NFKB1: variants seen among roughly 807,000 people sequenced by gnomAD.
The protein encoded by NFKB1 is nuclear factor kappa B subunit 1.
In NFKB1, 9 loss-of-function variants were observed where a neutral mutation model predicts 105.1. The ratio of observed to expected loss-of-function variants is 0.09; its 90% CI spans 0.05 to 0.15. The LOEUF is 0.15. Among genes scored for constraint, NFKB1 ranks in the 10% least tolerant of loss-of-function variants. The pLI is 1.00. For missense variants in NFKB1, 830 were observed against 1,203.7 expected (o/e 0.69, Z 4.59); for synonymous variants, 440 against 442.2 (o/e 1.00, Z 0.06).
At chr4:102,611,857 C>A (rs1024998032) in intron 20 of NFKB1, among the ~76,000 whole-genome samples, 187 bp from the exon 21 acceptor site, 1 of 152,244 alleles carries the variant, frequency 6.6e-6, no homozygotes, top group African/African-American at 2.4e-5. Context: ...AGAGCCCCTA[C>A]AGCTGTTCTT....
At chr4:102,574,148 G>A (rs555262559) in intron 6 of NFKB1, among the ~76,000 whole-genome samples, 2 of 52,274 alleles carry the variant, frequency 3.8e-5, no homozygotes, top group Non-Finnish European at 7.4e-5. Flanking sequence ...TTTTTTTGAT[G>A]TGCTTTTAAA....
At chr4:102,595,616 G>A (rs1176113966) in intron 13 of NFKB1, among the ~76,000 whole-genome samples, 2 of 152,248 alleles carry the variant, frequency 1.3e-5, no homozygotes, top group African/African-American at 4.8e-5. Flanking sequence ...AAGGCACACA[G>A]AAGTTAGTGG....
intron 5 of NFKB1, among the ~76,000 whole-genome samples, chr4:102,558,358 T>C (rs1451454928): frequency 6.6e-6 from 1 of 152,148 alleles, no homozygotes; most frequent in Non-Finnish European, 1.5e-5. Context: ...GCTCCATCCA[T>C]GTCCCTGCAA....
chr4:102,502,236 G>A (rs899773514), intron 1 of NFKB1: 1 of 152,362 alleles, frequency 6.6e-6, no homozygotes, highest in Non-Finnish European at 1.5e-5. Context: ...AAGCAGAAGT[G>A]CTTGTCAGTC....
intron 5 of NFKB1, among the ~76,000 whole-genome samples, chr4:102,545,795 A>T (rs1189504130): frequency 6.6e-6 from 1 of 152,158 alleles, no homozygotes; most frequent in Non-Finnish European, 1.5e-5. Context: ...ATTCTATGAC[A>T]GTTTCTAAGA....
chr4:102,592,259 G>A (rs754489825), intron 11 of NFKB1, among the ~76,000 whole-genome samples: 3 of 152,236 alleles, frequency 2.0e-5, no homozygotes, highest in South Asian at 2.1e-4. Flanking sequence ...TAAAGCAGCA[G>A]CAGTGTTTGA....
At chr4:102,589,752 G>A (rs1488615383) in intron 11 of NFKB1, among the ~76,000 whole-genome samples, 1 of 150,254 alleles carries the variant, frequency 6.7e-6, no homozygotes, top group African/African-American at 2.5e-5. Flanking sequence ...TCAAAAAAAA[G>A]AATACCTCAT....
chr4:102,581,686 A>G (rs1446136841), intron 9 of NFKB1, among the ~76,000 whole-genome samples: 3 of 152,146 alleles, frequency 2.0e-5, no homozygotes, highest in Non-Finnish European at 4.4e-5. Context: ...CTCTGCCTAC[A>G]CTAGTGTCAG....
At chr4:102,501,886 C>T (rs1195510589) in intron 1 of NFKB1, 98 bp downstream of exon 1, 3 of 152,678 alleles carry the variant, frequency 2.0e-5, no homozygotes, top group Non-Finnish European at 4.4e-5. Flanking sequence ...ACTCGGACTT[C>T]CTCATTCCTG....
intron 5 of NFKB1, among the ~76,000 whole-genome samples, chr4:102,553,954 G>T (rs964967931): frequency 6.6e-6 from 1 of 152,144 alleles, no homozygotes; most frequent in Non-Finnish European, 1.5e-5. Context: ...TATTTAAAAT[G>T]TTCACAATTT....
At chr4:102,508,895 A>G (rs1277056287) in intron 1 of NFKB1, among the ~76,000 whole-genome samples, 2 of 152,226 alleles carry the variant, frequency 1.3e-5, no homozygotes, top group East Asian at 1.9e-4. Context: ...AGGACAAATC[A>G]TATATCTCAT....
chr4:102,579,305 CTTAT>C, intron 8 of NFKB1, among the ~76,000 whole-genome samples: 1 of 152,166 alleles, frequency 6.6e-6, no homozygotes, highest in Admixed American at 6.5e-5. Flanking sequence ...CACATCTCAT[CTTAT>C]TTATGAATGT....
In NFKB1 at chr4:102,612,546, A is replaced by C. The variant is rs1417524842; in HGVS notation, c.2532A>C (p.Ile844=). 2 of 1,614,072 alleles carry C rather than the reference A, an allele frequency of 1.2e-6. No individual in the cohort carries two copies. Among genetic ancestry groups the C allele is most frequent in the South Asian group, 2.2e-5 (2 of 91,072 alleles). The part of the protein sequence containing the change: ...ATLAQKLGLG[I]LNNAFRLSPA... ...TGGCGCAGAAATTAGGTCTGGGGAT[A>C]CTTAATAATGCCTTCCGGCTGAGTC... Residue 844 remains isoleucine (I), a synonymous_variant, in exon 22 of 24, where the codon ATA becomes ATC. Transcript: ENST00000226574.
chr4:102,519,408 C>T (rs1341508785), intron 1 of NFKB1, among the ~76,000 whole-genome samples: 1 of 147,380 alleles, frequency 6.8e-6, no homozygotes, highest in East Asian at 2.0e-4. Context: ...AGTATATATA[C>T]TTTTATCATA....
intron 23 of NFKB1, among the ~76,000 whole-genome samples, chr4:102,614,484 A>G (rs905167717): frequency 1.3e-5 from 2 of 152,182 alleles, no homozygotes; most frequent in Non-Finnish European, 2.9e-5. Flanking sequence ...ATTTAGCTAC[A>G]GTCCAATTGC....
intron 17 of NFKB1, 23 bp from the exon 18 acceptor site, chr4:102,607,106 GTTAGCCATCCCATCCTGTGAC>G (rs1727827140): frequency 6.2e-7 from 1 of 1,605,630 alleles, no homozygotes; most frequent in African/African-American, 1.3e-5. Flanking sequence ...CATCTTGTGA[GTTAGCCATCCCATCCTGTGAC>G]TGTCCCTTTG....
At chr4:102,584,167 A>G (rs906603567) in intron 10 of NFKB1, among the ~76,000 whole-genome samples, 2 of 152,082 alleles carry the variant, frequency 1.3e-5, no homozygotes, top group African/African-American at 4.8e-5. Flanking sequence ...AATATATTAC[A>G]TAGTCAAAAA....
rs370790173 is a variant in NFKB1 at position 102,551,367 on chromosome 4, T to TGTGCGC, written c.258+13412_258+13413insTGCGCG. Among the ~76,000 whole-genome samples, 172 of 150,194 alleles carry TGTGCGC rather than the reference T, an allele frequency of 1.1e-3. 1 individual carries two copies. The highest frequency in any genetic ancestry group is 2.7e-3 in the African/African-American group (112 of 40,954). ...AAATTGGTGTGTGTGTGTGTGTGTG[T>TGTGCGC]GCGCGCGCGCATGTGTGTGTGTGTG... On this transcript the variant is annotated intron_variant, in intron 5 of 23. Coordinates refer to ENST00000226574, the MANE Select transcript of NFKB1 (RefSeq NM_003998.4).
chr4:102,577,841 T>C (rs747770765), intron 7 of NFKB1: 103 of 985,642 alleles, frequency 1.0e-4, no homozygotes, highest in Non-Finnish European at 1.2e-4. Flanking sequence ...GTTCCACTTA[T>C]AGTAGTCTTC....
Sources: gnomAD v4.1 joint callset for allele counts (sites outside exome capture counted in the v4.1 genomes callset) on GRCh38, gnomAD v4.1.1 for gene constraint, MANE v1.5 for transcripts, NCBI Gene and HGNC (gene_info 2026-07-23, HGNC 2026-07-21) for gene names.